The following PCDHA10 variants were observed in gnomAD, a reference collection of about 807,000 sequenced individuals.
PCDHA10 encodes the protein protocadherin alpha-10.
A neutral mutation model predicts 61.2 loss-of-function variants in PCDHA10; 45 were observed. That is an observed-to-expected ratio of 0.74 (90% CI 0.58 to 0.94). PCDHA10 has a LOEUF of 0.94. PCDHA10 is among the 40% of genes least tolerant of loss of function. The pLI, the probability that PCDHA10 is intolerant of heterozygous loss-of-function variation, is 0.00. For synonymous variants in PCDHA10, 602 were observed against 548.8 expected, an observed-to-expected ratio of 1.10 and a Z score of -1.35; for missense variants, 1,278 against 1,236.2, an observed-to-expected ratio of 1.03 and a Z score of -0.51.
rs1391320223 is a variant in PCDHA10, at chr5:140,927,345, C to T, written c.2389-51604C>T. The T allele has an allele frequency of 1.2e-6, 2 of 1,614,012 alleles. 1 individual carries two copies. On this transcript the variant is annotated intron_variant, in intron 1 of 3. Transcript: ENST00000307360. The stretch of plus-strand genomic sequence containing the variant: ...TTACTCTCCCGAATGCCCAAGATGA[C>T]GACGAGGGAAGCAATGGGATACTAA...
intron 1 of PCDHA10, among the ~76,000 whole-genome samples, chr5:140,895,802 CTGTATTGTAT>C (rs1289601886): frequency 6.6e-6 from 1 of 152,048 alleles, no homozygotes; most frequent in Admixed American, 6.6e-5. Context: ...ATGTACAATA[CTGTATTGTAT>C]TGTATTGTAT....
intron 3 of PCDHA10, among the ~76,000 whole-genome samples, chr5:141,000,804 G>A (rs2097964510): frequency 6.6e-6 from 1 of 151,886 alleles, no homozygotes; most frequent in African/African-American, 2.4e-5. Flanking sequence ...CTACTCAGAA[G>A]GCTGAGGTGG....
Position 140,993,501 on chromosome 5 carries a change from C to CAT in PCDHA10, c.2536+10939_2536+10940insTA, listed in dbSNP as rs1159844142. Among the ~76,000 whole-genome samples the CAT allele has an allele frequency of 9.9e-4, 148 of 149,100 alleles. 5 individuals carry two copies. In the East Asian group the frequency reaches 0.024, roughly 24 times the overall value. On this transcript the variant is annotated intron_variant, in intron 3 of 3. Transcript: ENST00000307360. ...ACACACACACACACACACACACACA[C>CAT]ACACACACGGGGAGAGAGAGACAGA...
At position 140,856,839 on chromosome 5, in the gene PCDHA10, A is replaced by T; in HGVS notation, c.791A>T (p.Asn264Ile). 6.3e-7 allele frequency: 1 copy of T among 1,592,670 alleles called. No homozygotes were observed. The highest frequency in any genetic ancestry group is 8.6e-7 in the Non-Finnish European group (1 of 1,162,688). Residue 264 changes from asparagine to isoleucine, a missense_variant, in exon 1 of 4, where the codon AAC becomes ATC. Asn to Ile is a moderately radical substitution (Grantham distance 149). Coordinates refer to ENST00000307360, the MANE Select transcript of PCDHA10 (RefSeq NM_018901.4). The part of the protein sequence containing the change: ...QVNQTLVIRL[N>I]ASDSDEGINK... Reference sequence around the variant, plus strand: ...AACCAAACATTAGTAATACGGCTCAACGCTTCTGATTCGGATGAAGGAATA... The same window carrying T: ...AACCAAACATTAGTAATACGGCTCATCGCTTCTGATTCGGATGAAGGAATA...
At chr5:140,922,150 T>C (rs999486530) in intron 1 of PCDHA10, among the ~76,000 whole-genome samples, 5 of 151,298 alleles carry the variant, frequency 3.3e-5, no homozygotes, top group African/African-American at 1.2e-4. Flanking sequence ...ATGAAACTCA[T>C]CAAAAACAAC....
At chr5:140,960,186 G>A (rs2153724328) in intron 1 of PCDHA10, among the ~76,000 whole-genome samples, 1 of 152,260 alleles carries the variant, frequency 6.6e-6, no homozygotes, top group East Asian at 1.9e-4. Flanking sequence ...GGGGTTGCAT[G>A]TGTAGTGGTC....
intron 1 of PCDHA10, chr5:140,883,818 T>A (rs1349664661): frequency 6.2e-7 from 1 of 1,612,072 alleles, no homozygotes; most frequent in African/African-American, 1.3e-5. Flanking sequence ...AGCGGCAAGG[T>A]GTACGCGCTG....
chr5:140,981,220 C>T (rs1160783614), intron 2 of PCDHA10, among the ~76,000 whole-genome samples: 3 of 152,164 alleles, frequency 2.0e-5, no homozygotes, highest in African/African-American at 4.8e-5. Context: ...CCCCTTTAGT[C>T]AGTAGTCTAA....
chr5:140,947,586 A>G (rs958279437), intron 1 of PCDHA10, among the ~76,000 whole-genome samples: 1 of 151,670 alleles, frequency 6.6e-6, no homozygotes, highest in Non-Finnish European at 1.5e-5. Context: ...TAACATTTAG[A>G]TCAATTTAGG....
intron 1 of PCDHA10, among the ~76,000 whole-genome samples, chr5:140,911,947 G>C (rs559007219): frequency 6.6e-6 from 1 of 152,144 alleles, no homozygotes; most frequent in African/African-American, 2.4e-5. Context: ...TATATATAAA[G>C]GGGAGGTTAC....
chr5:140,871,573 T>A (rs1554165748), intron 1 of PCDHA10: 1 of 1,477,842 alleles, frequency 6.8e-7, no homozygotes, highest in Non-Finnish European at 9.0e-7. Flanking sequence ...ACGGATTTTT[T>A]AAGGGAAAGT....
At chr5:140,957,895 A>G (rs1169291586) in intron 1 of PCDHA10, among the ~76,000 whole-genome samples, 1 of 152,118 alleles carries the variant, frequency 6.6e-6, no homozygotes, top group African/African-American at 2.4e-5. Flanking sequence ...GTTGGCATCA[A>G]CCAAGGCATA....
chr5:140,863,288 A>G, intron 1 of PCDHA10: 1 of 1,462,142 alleles, frequency 6.8e-7, no homozygotes, highest in South Asian at 1.1e-5. Context: ...GTCAACGTGT[A>G]CCTGATCATC....
chr5:140,991,033 TACTTA>T (rs567583919), intron 3 of PCDHA10, among the ~76,000 whole-genome samples: 53 of 152,330 alleles, frequency 3.5e-4, no homozygotes, highest in African/African-American at 1.3e-3. Context: ...ATATGTTGCA[TACTTA>T]ACTTTGAGAG....
chr5:140,938,092 A>G (rs1255638035), intron 1 of PCDHA10, among the ~76,000 whole-genome samples: 4 of 152,034 alleles, frequency 2.6e-5, no homozygotes, highest in African/African-American at 9.7e-5. Context: ...TAGTTTTATT[A>G]TTGTATTTTT....
intron 1 of PCDHA10, among the ~76,000 whole-genome samples, chr5:140,893,392 C>T (rs116952410): frequency 6.6e-6 from 1 of 152,112 alleles, no homozygotes; most frequent in African/African-American, 2.4e-5. Context: ...GTGGCTCATG[C>T]CTGTAATCCC....
chr5:140,867,041 C>G (rs188716908), intron 1 of PCDHA10: 1 of 152,078 alleles, frequency 6.6e-6, no homozygotes, highest in East Asian at 1.9e-4. Flanking sequence ...TATGACTTGG[C>G]GTTTGTTCAG....
chr5:140,890,505 C>T (rs968263026), intron 1 of PCDHA10, among the ~76,000 whole-genome samples: 4 of 151,914 alleles, frequency 2.6e-5, no homozygotes, highest in Admixed American at 2.6e-4. Flanking sequence ...ATTTTTATGT[C>T]TCTATTTCCT....
chr5:140,922,790 C>G (rs1174493923), intron 1 of PCDHA10, among the ~76,000 whole-genome samples: 3 of 152,074 alleles, frequency 2.0e-5, no homozygotes, highest in African/African-American at 7.2e-5. Flanking sequence ...AAAACTGTAG[C>G]TTTGGAATAC....
Sources: allele counts gnomAD v4.1 joint callset (sites outside exome capture counted in the v4.1 genomes callset), GRCh38; gene constraint gnomAD v4.1.1; transcripts MANE v1.5; gene names NCBI Gene and HGNC (gene_info 2026-07-23, HGNC 2026-07-21).